Variants in DOCK10 observed in about 807,000 individuals in gnomAD.
DOCK10 encodes dedicator of cytokinesis protein 10.
DOCK10 carries 145 observed loss-of-function variants against 280.1 expected under a neutral mutation model. The ratio of observed to expected loss-of-function variants is 0.52; its 90% CI spans 0.45 to 0.59. The LOEUF (loss-of-function observed/expected upper bound fraction) is 0.59. Among genes scored for constraint, DOCK10 ranks in the 20% least tolerant of loss-of-function variants. The pLI is 0.00. For synonymous variants in DOCK10, 915 were observed against 942.2 expected, an observed-to-expected ratio of 0.97 and a Z score of 0.53; for missense variants, 2,368 against 2,651.7, an observed-to-expected ratio of 0.89 and a Z score of 2.35.
At chr2:224,903,525 G>A (rs2125867717) in intron 3 of DOCK10, among the ~76,000 whole-genome samples, 1 of 152,222 alleles carries the variant, frequency 6.6e-6, no homozygotes, top group South Asian at 2.1e-4. Context: ...TATAAAAGTA[G>A]ACTTTTTGAC....
At chr2:224,893,889 T>C (rs1031159824) in intron 4 of DOCK10, among the ~76,000 whole-genome samples, 1 of 152,202 alleles carries the variant, frequency 6.6e-6, no homozygotes, top group African/African-American at 2.4e-5. Context: ...AAGTAAATTG[T>C]CTGTTTCCAT....
chr2:224,975,823 T>C (rs1405444895), intron 1 of DOCK10, among the ~76,000 whole-genome samples: 1 of 152,240 alleles, frequency 6.6e-6, no homozygotes, highest in Non-Finnish European at 1.5e-5. Flanking sequence ...AATTATTGTC[T>C]TCTACAAGTG....
intron 1 of DOCK10, among the ~76,000 whole-genome samples, chr2:224,951,414 A>C (rs951819927): frequency 6.6e-6 from 1 of 152,202 alleles, no homozygotes; most frequent in Admixed American, 6.5e-5. Flanking sequence ...ACATATTCTT[A>C]TATAAGAATT....
intron 13 of DOCK10, among the ~76,000 whole-genome samples, chr2:224,863,651 A>G (rs1271789831): frequency 6.6e-6 from 1 of 152,002 alleles, no homozygotes; most frequent in Non-Finnish European, 1.5e-5. Context: ...ACGGGGTTTC[A>G]CCATGTTAGC....
intron 3 of DOCK10, among the ~76,000 whole-genome samples, chr2:224,909,438 C>T (rs1198540583): frequency 6.6e-6 from 1 of 152,124 alleles, no homozygotes; most frequent in Admixed American, 6.5e-5. Context: ...TTTCATATCC[C>T]TATTTAAAGA....
intron 45 of DOCK10, among the ~76,000 whole-genome samples, chr2:224,793,986 T>A (rs1692383128): frequency 6.6e-6 from 1 of 152,248 alleles, no homozygotes; most frequent in Non-Finnish European, 1.5e-5. Flanking sequence ...ATGTTATATT[T>A]TAATCTGTCT....
At chr2:224,865,919 TAACA>T (rs1481905614) in intron 11 of DOCK10, among the ~76,000 whole-genome samples, 1 of 151,804 alleles carries the variant, frequency 6.6e-6, no homozygotes, top group Non-Finnish European at 1.5e-5. Flanking sequence ...TCTCTCTCTC[TAACA>T]GTCACCTATT....
At chr2:224,894,749 G>C (rs1699886374) in intron 4 of DOCK10, among the ~76,000 whole-genome samples, 2 of 152,126 alleles carry the variant, frequency 1.3e-5, no homozygotes, top group South Asian at 4.1e-4. Context: ...CAGTTTAGAA[G>C]GGACATACTT....
At chr2:224,961,412 C>CTTTCTTTCTCTTTCTTTCTTTCTTTCTT (rs57668925) in intron 1 of DOCK10, among the ~76,000 whole-genome samples, 3 of 119,382 alleles carry the variant, frequency 2.5e-5, no homozygotes, top group African/African-American at 1.0e-4. Context: ...TTCTTTCTTT[C>CTTTCTTTCTCTTTCTTTCTTTCTTTCTT]TCTTTCTTTC....
At chr2:225,035,542 T>TATA (rs1415059109) in intron 1 of DOCK10, among the ~76,000 whole-genome samples, 1 of 50,030 alleles carries the variant, frequency 2.0e-5, no homozygotes, top group Non-Finnish European at 3.9e-5. Flanking sequence ...ATGATATATA[T>TATA]TATATATATA....
intron 1 of DOCK10, among the ~76,000 whole-genome samples, chr2:224,945,654 A>C (rs1353902449): frequency 6.6e-6 from 1 of 151,822 alleles, no homozygotes; most frequent in Non-Finnish European, 1.5e-5. Context: ...ATTTATAAAG[A>C]GCCTATATAT....
intron 18 of DOCK10, among the ~76,000 whole-genome samples, chr2:224,852,042 G>A (rs1019414961): frequency 4.6e-5 from 7 of 152,146 alleles, no homozygotes; most frequent in African/African-American, 1.7e-4. Flanking sequence ...GGGCCGGCTG[G>A]GGTGTTCTGT....
chr2:224,886,767 A>C (rs1164244683), intron 4 of DOCK10, among the ~76,000 whole-genome samples: 1 of 152,036 alleles, frequency 6.6e-6, no homozygotes, highest in Non-Finnish European at 1.5e-5. Context: ...AATTATATAT[A>C]TATATTTGAG....
chr2:224,806,779 A>G (rs1449001849), intron 33 of DOCK10, among the ~76,000 whole-genome samples: 1 of 151,638 alleles, frequency 6.6e-6, no homozygotes, highest in Non-Finnish European at 1.5e-5. Context: ...TAATTTTTTA[A>G]ATTTCTTATT....
At chr2:224,856,157 G>A (rs1050674453) in intron 15 of DOCK10, among the ~76,000 whole-genome samples, 4 of 152,216 alleles carry the variant, frequency 2.6e-5, no homozygotes, top group African/African-American at 9.6e-5. Context: ...GCACATCACT[G>A]AGAATAAAGG....
Position 224,789,182 on chromosome 2 carries a change from C to A in DOCK10, c.5312-12G>T, listed in dbSNP as rs776940924. On this transcript the variant is annotated splice_polypyrimidine_tract_variant and intron_variant, in intron 47 of 55. Transcript: ENST00000258390. The stretch of plus-strand genomic sequence containing the variant: ...CATAGAGAACATGCCTTGGGAGGAC[C>A]AAGCAGAATAAAACATTATTATTTG... 3.1e-5 allele frequency: 48 copies of A among 1,563,488 alleles called. No homozygotes were observed. The highest frequency in any genetic ancestry group is 3.6e-5 in the Non-Finnish European group (41 of 1,135,962).
chr2:224,855,128 A>G (rs1342852635), intron 15 of DOCK10, 86 bp from the exon 16 acceptor site: 1 of 877,810 alleles, frequency 1.1e-6, no homozygotes, highest in Admixed American at 2.8e-5. Context: ...TTCAAGGAAA[A>G]AGCAGTCATC....
chr2:225,018,267 C>A (rs146448131), intron 1 of DOCK10, among the ~76,000 whole-genome samples: 51 of 151,860 alleles, frequency 3.4e-4, no homozygotes, highest in Admixed American at 3.1e-3. Context: ...CTTTCTATTT[C>A]TTAACAGTTT....
rs1175100487 is a variant in DOCK10 at position 224,849,582 on chromosome 2, A to G, written c.2160T>C (p.Pro720=). ...CGGCTGAGGTGAAGAGGGGCCCTCC[A>G]GGTTTTCCATAAATACACTGTTTGA... ...AKPLKCIYGK[P]GGPLFTSAAY... The change falls in exon 19 of 56, where the codon CCT becomes CCC. Residue 720 remains proline (P), a synonymous_variant. Transcript: ENST00000258390. 1 of 1,608,014 alleles carries G rather than the reference A, an allele frequency of 6.2e-7. No homozygotes were observed. The highest frequency in any genetic ancestry group is 1.3e-5 in the African/African-American group (1 of 74,872).
Sources: gnomAD v4.1 joint callset for allele counts (sites outside exome capture counted in the v4.1 genomes callset) on GRCh38, gnomAD v4.1.1 for gene constraint, MANE v1.5 for transcripts, NCBI Gene and HGNC (gene_info 2026-07-23, HGNC 2026-07-21) for gene names.